The following VPS13B variants were observed in gnomAD, a reference collection of about 807,000 sequenced individuals.
VPS13B encodes intermembrane lipid transfer protein VPS13B.
In VPS13B, 285 loss-of-function variants were observed where a neutral mutation model predicts 426.4. That is an observed-to-expected ratio of 0.67 (90% CI 0.61 to 0.74). The LOEUF (loss-of-function observed/expected upper bound fraction) is 0.74. Ranked by LOEUF, VPS13B falls within the 30% of genes least tolerant of loss-of-function variation. The pLI, the probability that VPS13B is intolerant of heterozygous loss-of-function variation, is 0.00. For missense variants in VPS13B, 4,537 were observed against 4,782.6 expected (o/e 0.95, Z 1.51); for synonymous variants, 1,676 against 1,676.4 (o/e 1.00, Z 0.01).
rs1820647256 is a variant in VPS13B at position 99,492,309 on chromosome 8, G to A, written c.3871-9378G>A. On this transcript the variant is annotated intron_variant, in intron 25 of 61. Transcript: ENST00000357162. ...CTACTGGGAGGTGTCTCTTGGTCAGGCTACACGGGCGTCAGGGACCCACTT... is the reference window on the plus strand; with the variant it reads ...CTACTGGGAGGTGTCTCTTGGTCAGACTACACGGGCGTCAGGGACCCACTT... Among the ~76,000 whole-genome samples, 3 of 152,204 alleles carry A rather than the reference G, an allele frequency of 2.0e-5. No homozygotes were observed. The South Asian group carries it at 6.2e-4, about 31-fold the overall frequency.
In VPS13B at chr8:99,641,923, TC is replaced by T. The variant is rs763909903; in HGVS notation, c.5334del (p.Arg1779GlufsTer2). 3 of 1,614,104 alleles carry T rather than the reference TC, an allele frequency of 1.9e-6. No homozygotes were observed. In the East Asian group the frequency reaches 6.7e-5, roughly 36 times the overall value. On this transcript the variant is annotated frameshift_variant, in exon 34 of 62. Transcript: ENST00000357162. LOFTEE classifies it high-confidence loss of function. ...GGAATTGGCAGTGACAGTGTTAAAA[TC>T]AGAATAGTGCAAATAGAGCAGCACA... ...DSGIGSDSVK[I>X]RIVQIEQHSG...
intron 21 of VPS13B, among the ~76,000 whole-genome samples, chr8:99,426,056 C>G (rs1223563538): frequency 8.8e-6 from 1 of 113,446 alleles, no homozygotes; most frequent in Admixed American, 9.6e-5. Context: ...TGCTATCCCT[C>G]CCCCCCTCCC....
chr8:99,029,104 T>C (rs1410518775), intron 2 of VPS13B, among the ~76,000 whole-genome samples: 1 of 112,226 alleles, frequency 8.9e-6, no homozygotes, highest in Admixed American at 8.7e-5. Context: ...CAGACAGGGT[T>C]GCGGCCGGGC....
In VPS13B at chr8:99,661,469, T is replaced by G; in HGVS notation, c.6024T>G (p.Ile2008Met). The G allele has an allele frequency of 5.0e-6, 8 of 1,613,348 alleles. No individual in the cohort carries two copies. The highest frequency in any genetic ancestry group is 6.8e-6 in the Non-Finnish European group (8 of 1,179,738). ...GIPPSFITLQ[I>M]KDFLNGPADV... ...CACCTTCCTTTATAACACTACAGAT[T>G]AAAGACTTTCTGAATGGACCAGGTA... Residue 2008 changes from isoleucine to methionine, a missense_variant, in exon 35 of 62, where the codon ATT becomes ATG. Ile to Met is a conservative substitution (Grantham distance 10). Transcript: ENST00000357162.
chr8:99,577,859 T>C, intron 33 of VPS13B: 1 of 563,412 alleles, frequency 1.8e-6, no homozygotes, highest in East Asian at 3.4e-5. Flanking sequence ...TGCTGTGGAC[T>C]GACCTCAGAG....
chr8:99,277,920 T>C (rs1430880849), intron 19 of VPS13B, among the ~76,000 whole-genome samples: 2 of 152,236 alleles, frequency 1.3e-5, no homozygotes, highest in Admixed American at 1.3e-4. Flanking sequence ...CATTTACTTT[T>C]CTTTGCTTTT....
At chr8:99,799,499 ATACT>A (rs1813019006) in intron 43 of VPS13B, among the ~76,000 whole-genome samples, 1 of 152,238 alleles carries the variant, frequency 6.6e-6, no homozygotes, top group African/African-American at 2.4e-5. Context: ...TTGCCATGAA[ATACT>A]TTATTTAACC....
In VPS13B at chr8:99,264,079, C is replaced by CT. The variant is rs1047655481; in HGVS notation, c.2516-10110dup. Among the ~76,000 whole-genome samples the CT allele has an allele frequency of 6.8e-3, 1,025 of 150,754 alleles. 10 individuals carry two copies. Among genetic ancestry groups the CT allele is most frequent in the African/African-American group, 0.022 (909 of 41,144 alleles). Reference sequence around the variant, plus strand: ...TAACTGTCTTGGAGTTAATAACTGTCTTTTTTTTTGTTATTGCTTGATTAG... The same window carrying CT: ...TAACTGTCTTGGAGTTAATAACTGTCTTTTTTTTTTGTTATTGCTTGATTAG... On this transcript the variant is annotated intron_variant, in intron 17 of 61. Coordinates refer to ENST00000357162, the MANE Select transcript of VPS13B (RefSeq NM_152564.5).
At chr8:99,684,779 T>C (rs1378111541) in intron 35 of VPS13B, among the ~76,000 whole-genome samples, 1 of 152,076 alleles carries the variant, frequency 6.6e-6, no homozygotes, top group Non-Finnish European at 1.5e-5. Context: ...TCATTAGATG[T>C]TTATTTGGTT....
At chr8:99,304,537 T>C (rs1449678219) in intron 19 of VPS13B, among the ~76,000 whole-genome samples, 2 of 152,144 alleles carry the variant, frequency 1.3e-5, no homozygotes, top group Non-Finnish European at 2.9e-5. Flanking sequence ...TTCTGTAACA[T>C]TGGTAGTCCC....
At chr8:99,151,485 C>T (rs1456036913) in intron 14 of VPS13B, among the ~76,000 whole-genome samples, 2 of 151,820 alleles carry the variant, frequency 1.3e-5, no homozygotes, top group Non-Finnish European at 2.9e-5. Context: ...CGAATTGGTC[C>T]ATTTCATCTA....
chr8:99,488,233 A>T (rs1419388591), intron 25 of VPS13B, among the ~76,000 whole-genome samples: 2 of 152,146 alleles, frequency 1.3e-5, no homozygotes, highest in Non-Finnish European at 2.9e-5. Flanking sequence ...GTAGCACTTA[A>T]TATTATCCCT....
Position 99,809,237 on chromosome 8 carries a change from A to C in VPS13B, c.7942-138A>C, listed in dbSNP as rs909850803. On this transcript the variant is annotated intron_variant, in intron 43 of 61. Coordinates refer to ENST00000357162, the MANE Select transcript of VPS13B (RefSeq NM_152564.5). ...GCCTGGTGGAATAAGTTGGAAGTGG[A>C]TGAATAATGCAGGTTAGAAAGAAAA... 13 of 1,063,170 alleles carry C rather than the reference A, an allele frequency of 1.2e-5. No individual in the cohort carries two copies. The South Asian group carries it at 1.8e-4, about 14-fold the overall frequency. 65.9% of individuals were successfully genotyped at this position (1,063,170 alleles called of 1,614,324 possible).
intron 5 of VPS13B, among the ~76,000 whole-genome samples, chr8:99,107,632 A>G (rs151037948): frequency 0.015 from 2,313 of 152,284 alleles, 32 homozygotes; most frequent in Middle Eastern, 0.041. Flanking sequence ...AAGTTGTTCT[A>G]AAATATTGAC....
chr8:99,130,626 G>A (rs943579415), intron 8 of VPS13B, among the ~76,000 whole-genome samples: 5 of 151,956 alleles, frequency 3.3e-5, no homozygotes, highest in Non-Finnish European at 7.4e-5. Context: ...TCCTGACCTC[G>A]TGATCCGCCC....
intron 54 of VPS13B, 76 bp downstream of exon 54, chr8:99,835,814 T>A (rs1815363834): frequency 1.4e-6 from 2 of 1,434,062 alleles, no homozygotes; most frequent in Non-Finnish European, 1.9e-6. Flanking sequence ...TGCCTATTTT[T>A]AAACATAATT....
intron 14 of VPS13B, among the ~76,000 whole-genome samples, chr8:99,152,182 A>T (rs182444102): frequency 6.6e-6 from 1 of 152,312 alleles, no homozygotes; most frequent in Non-Finnish European, 1.5e-5. Flanking sequence ...CTTTCACTGC[A>T]TGCTACAAAT....
rs79451359 is a variant in VPS13B at position 99,600,148 on chromosome 8, T to C, written c.5220+22515T>C. ...CATAACACCATAACACCAGCTAACA[T>C]ATTGGGAACTCACCCTGTGTGAGAC... On this transcript the variant is annotated intron_variant, in intron 33 of 61. Transcript: ENST00000357162. Among the ~76,000 whole-genome samples, 198 of 152,194 alleles carry C rather than the reference T, an allele frequency of 1.3e-3. 7 individuals carry two copies. The East Asian group carries it at 0.037, about 28-fold the overall frequency.
At chr8:99,567,119 A>G (rs1825228414) in intron 31 of VPS13B, among the ~76,000 whole-genome samples, 2 of 152,158 alleles carry the variant, frequency 1.3e-5, no homozygotes, top group South Asian at 2.1e-4. Context: ...CTCCCTTAGT[A>G]TATTCCTATC....
Sources: allele counts gnomAD v4.1 joint callset (sites outside exome capture counted in the v4.1 genomes callset), GRCh38; gene constraint gnomAD v4.1.1; transcripts MANE v1.5; gene names NCBI Gene and HGNC (gene_info 2026-07-23, HGNC 2026-07-21).